The following HAO1 variants were observed in gnomAD, a reference collection of about 807,000 sequenced individuals.
HAO1 encodes 2-Hydroxyacid oxidase 1.
Under a neutral mutation model 39.7 loss-of-function variants are expected in HAO1, and 34 were observed. The observed-to-expected ratio is 0.86, with a 90% confidence interval of 0.65 to 1.14. The LOEUF (loss-of-function observed/expected upper bound fraction) is 1.14. Among genes scored for constraint, HAO1 ranks in the 50% most tolerant of loss-of-function variants. The probability of loss-of-function intolerance (pLI) is 0.00; values close to 1 mark genes in which losing one functional copy is unlikely to be tolerated. For synonymous variants in HAO1, 172 were observed against 173.2 expected (o/e 0.99, Z 0.05); for missense variants, 479 against 464.5 (o/e 1.03, Z -0.29).
chr20:7,902,592 T>A (rs2050225932), intron 4 of HAO1, among the ~76,000 whole-genome samples: 3 of 152,202 alleles, frequency 2.0e-5, no homozygotes, highest in Admixed American at 6.6e-5. Flanking sequence ...ATTGTGGTGG[T>A]CCAGAACTGA....
At chr20:7,911,180 A>G (rs2050277879) in intron 3 of HAO1, among the ~76,000 whole-genome samples, 1 of 152,174 alleles carries the variant, frequency 6.6e-6, no homozygotes, top group African/African-American at 2.4e-5. Context: ...ACCTATTCAC[A>G]TTGAGTCTAC....
chr20:7,920,512 T>C (rs1262891293), intron 2 of HAO1, among the ~76,000 whole-genome samples: 1 of 152,158 alleles, frequency 6.6e-6, no homozygotes, highest in Non-Finnish European at 1.5e-5. Flanking sequence ...AATAGATCAC[T>C]AAAACCTATT....
At chr20:7,913,573 G>A (rs909038950) in intron 3 of HAO1, among the ~76,000 whole-genome samples, 2 of 152,168 alleles carry the variant, frequency 1.3e-5, no homozygotes, top group African/African-American at 4.8e-5. Flanking sequence ...TGGACAGGGT[G>A]AATGAATGAC....
chr20:7,897,449 AT>A (rs1392259942), intron 4 of HAO1, among the ~76,000 whole-genome samples: 1 of 151,872 alleles, frequency 6.6e-6, no homozygotes, highest in Non-Finnish European at 1.5e-5. Context: ...TCATGTAATA[AT>A]TTTTTCTTTC....
In HAO1 at chr20:7,885,820, C is replaced by T. The variant is rs2050148673; in HGVS notation, c.858G>A (p.Val286=). The change falls in exon 6 of 8, where the codon GTG becomes GTA. Residue 286 remains valine (V), a synonymous_variant. Transcript: ENST00000378789. ...PEIVEAVEGK[V]EVFLDGGVRK... ...GCACACCCCCGTCCAGGAAGACTTC[C>T]ACCTTCCCTTCCACAGCCTCCACAA... The T allele has an allele frequency of 3.7e-6, 6 of 1,613,424 alleles. No individual in the cohort carries two copies. The highest frequency in any genetic ancestry group is 4.2e-6 in the Non-Finnish European group (5 of 1,179,404).
At chr20:7,928,448 G>A (rs972623445) in intron 2 of HAO1, among the ~76,000 whole-genome samples, 1 of 150,648 alleles carries the variant, frequency 6.6e-6, no homozygotes, top group African/African-American at 2.4e-5. Context: ...TTCTATGCCA[G>A]TTTTCTGGGT....
chr20:7,887,692 C>G (rs1394672788), intron 5 of HAO1, among the ~76,000 whole-genome samples: 1 of 152,118 alleles, frequency 6.6e-6, no homozygotes, highest in Non-Finnish European at 1.5e-5. Flanking sequence ...AAAATACTAT[C>G]TAGCTTGGGT....
intron 4 of HAO1, among the ~76,000 whole-genome samples, chr20:7,901,876 G>T (rs985729220): frequency 6.6e-6 from 1 of 152,188 alleles, no homozygotes; most frequent in African/African-American, 2.4e-5. Context: ...TTTGGAAGAT[G>T]TTGATTCCAA....
At chr20:7,886,748 C>T (rs1163089391) in intron 5 of HAO1, among the ~76,000 whole-genome samples, 3 of 152,196 alleles carry the variant, frequency 2.0e-5, no homozygotes, top group Non-Finnish European at 4.4e-5. Context: ...CATAGGTTGG[C>T]ATCAAAGTGC....
At chr20:7,905,550 T>C (rs541064267) in intron 4 of HAO1, among the ~76,000 whole-genome samples, 1 of 152,318 alleles carries the variant, frequency 6.6e-6, no homozygotes, top group East Asian at 1.9e-4. Context: ...AAAATTATTA[T>C]AGTCATTGGT....
chr20:7,895,936 T>G (rs913138423), intron 4 of HAO1, among the ~76,000 whole-genome samples: 2 of 152,028 alleles, frequency 1.3e-5, no homozygotes, highest in African/African-American at 4.8e-5. Context: ...CTCAGGCCTA[T>G]TGGCAGGTGC....
intron 4 of HAO1, among the ~76,000 whole-genome samples, chr20:7,896,082 A>G (rs901316488): frequency 2.0e-5 from 3 of 152,124 alleles, no homozygotes; most frequent in Non-Finnish European, 4.4e-5. Flanking sequence ...AAAAAAAAAA[A>G]AATTAAAATT....
At chr20:7,920,554 T>C (rs954615074) in intron 2 of HAO1, among the ~76,000 whole-genome samples, 1 of 152,188 alleles carries the variant, frequency 6.6e-6, no homozygotes. Flanking sequence ...TGTACAACTT[T>C]GATCAATATG....
In HAO1 at chr20:7,906,329, C is replaced by A. The variant is rs765284804; in HGVS notation, c.546G>T (p.Arg182Ser). Residue 182 changes from arginine to serine, a missense_variant and splice_region_variant, in exon 4 of 8, where the codon AGG (arginine) becomes AGT (serine). Physicochemically the swap from Arg to Ser is moderately radical, Grantham distance 110. Transcript: ENST00000378789. ...AAGTACTGGTTTCAAAATTTTTCAT[C>A]CTAAAATAAGAAATGCATAAAATGA... ...RNRFKLPPQL[R>S]MKNFETSTLS... The A allele has an allele frequency of 2.5e-6, 4 of 1,573,744 alleles. No individual in the cohort carries two copies. Among genetic ancestry groups the A allele is most frequent in the South Asian group, 2.2e-5 (2 of 88,998 alleles).
chr20:7,924,178 T>G (rs938067683), intron 2 of HAO1, among the ~76,000 whole-genome samples: 3 of 149,606 alleles, frequency 2.0e-5, no homozygotes, highest in African/African-American at 7.5e-5. Context: ...GATTTTGGTT[T>G]GGTTTAGTTT....
intron 4 of HAO1, among the ~76,000 whole-genome samples, chr20:7,903,594 C>CTGG (rs1033479724): frequency 7.5e-6 from 1 of 132,618 alleles, no homozygotes; most frequent in African/African-American, 2.9e-5. Context: ...GGTTATGGCG[C>CTGG]TGGTGGTGGT....
Position 7,909,381 on chromosome 20 carries a change from A to ATATATATATG in HAO1, c.546-3053_546-3052insCATATATATA, listed in dbSNP as rs1555774039. Among the ~76,000 whole-genome samples the ATATATATATG allele has an allele frequency of 9.2e-3, 667 of 72,758 alleles. 3 individuals are homozygous for ATATATATATG. Among genetic ancestry groups the ATATATATATG allele is most frequent in the South Asian group, 0.021 (45 of 2,178 alleles). 47.7% of individuals were successfully genotyped at this position (72,758 alleles called of 152,430 possible). A position where few individuals can be genotyped will look rare whatever the true frequency, so the allele number is the denominator to read the frequency against. The stretch of plus-strand genomic sequence containing the variant: ...ATGACATATATATATATATATATGT[A>ATATATATATG]TATATATATATATATATATATATGC... On this transcript the variant is annotated intron_variant, in intron 3 of 7. Coordinates refer to ENST00000378789, the MANE Select transcript of HAO1 (RefSeq NM_017545.3).
chr20:7,883,664 C>T lies in HAO1; in HGVS notation c.1043-1G>A. The T allele has an allele frequency of 6.2e-7, 1 of 1,606,450 alleles. No individual in the cohort carries two copies. The highest frequency in any genetic ancestry group is 1.1e-5 in the South Asian group (1 of 90,922). On this transcript the variant is annotated splice_acceptor_variant, in intron 7 of 7. Transcript: ENST00000378789. LOFTEE classifies it high-confidence loss of function. ...TCGATGACTTTCACATTCTGGCACCCTGAAAAAATAATGCATACATTTAAT... is the reference window on the plus strand; with the variant it reads ...TCGATGACTTTCACATTCTGGCACCTTGAAAAAATAATGCATACATTTAAT...
At chr20:7,906,439 C>A in intron 3 of HAO1, 110 bp from the exon 4 acceptor site, 2 of 657,080 alleles carry the variant, frequency 3.0e-6, no homozygotes, top group Non-Finnish European at 5.4e-6. Flanking sequence ...CTGTTCACTG[C>A]TCATTTATCT....
Sources: gnomAD v4.1 joint callset for allele counts (sites outside exome capture counted in the v4.1 genomes callset) on GRCh38, gnomAD v4.1.1 for gene constraint, MANE v1.5 for transcripts, NCBI Gene and HGNC (gene_info 2026-07-23, HGNC 2026-07-21) for gene names.